MACROD2: variants seen among roughly 807,000 people sequenced by gnomAD.
The protein encoded by MACROD2 is mono-ADP ribosylhydrolase 2.
MACROD2 carries 36 observed loss-of-function variants against 70.4 expected under a neutral mutation model. That is an observed-to-expected ratio of 0.51 (90% CI 0.39 to 0.68). The LOEUF is 0.68. Ranked by LOEUF, MACROD2 falls within the 30% of genes least tolerant of loss-of-function variation. The probability of loss-of-function intolerance (pLI) is 0.00; values close to 1 mark genes in which losing one functional copy is unlikely to be tolerated. For missense variants in MACROD2, 496 were observed against 538.4 expected (o/e 0.92, Z 0.78); for synonymous variants, 172 against 178.8 (o/e 0.96, Z 0.30).
intron 7 of MACROD2, among the ~76,000 whole-genome samples, chr20:15,436,084 A>G (rs1207972173): frequency 4.6e-5 from 7 of 151,982 alleles, no homozygotes; most frequent in African/African-American, 1.4e-4. Context: ...TTTTAGCTTC[A>G]TAACCTTCTG....
intron 5 of MACROD2, among the ~76,000 whole-genome samples, chr20:14,827,603 T>C (rs1203590095): frequency 2.0e-5 from 3 of 152,098 alleles, no homozygotes; most frequent in Non-Finnish European, 1.5e-5. Flanking sequence ...TTTCTTTTGA[T>C]CTAGGTTTTG....
At chr20:14,248,350 G>A (rs1316849973) in intron 3 of MACROD2, among the ~76,000 whole-genome samples, 1 of 152,140 alleles carries the variant, frequency 6.6e-6, no homozygotes, top group Non-Finnish European at 1.5e-5. Context: ...TTTGGGAGCC[G>A]AGGCAGGTGG....
intron 4 of MACROD2, among the ~76,000 whole-genome samples, chr20:14,609,153 G>T (rs976463085): frequency 2.7e-4 from 41 of 152,166 alleles, no homozygotes; most frequent in African/African-American, 9.6e-4. Context: ...GAAAAACAGT[G>T]AAAGAAGGAA....
At position 15,683,598 on chromosome 20, in the gene MACROD2, A is replaced by C. The variant is rs1219485905; in HGVS notation, c.646-179147A>C. 8.5e-5 allele frequency among the ~76,000 whole-genome samples: 13 copies of C among 152,214 alleles called. No homozygotes were observed. In the South Asian group the frequency reaches 2.1e-3, roughly 24 times the overall value. On this transcript the variant is annotated intron_variant, in intron 8 of 17. Transcript: ENST00000684519. ...TGTTTTTTTGTTTGTTTGTTTTTTG[A>C]GACAAAGTCTCACTCTGTCGCTGAG... is the stretch of plus-strand genomic sequence containing the variant.
chr20:15,253,514 A>G (rs974534651), intron 6 of MACROD2, among the ~76,000 whole-genome samples: 3 of 152,208 alleles, frequency 2.0e-5, no homozygotes, highest in African/African-American at 7.2e-5. Flanking sequence ...TGGTAAGCTT[A>G]ACTGTAATAC....
In MACROD2 at chr20:14,638,369, T is replaced by C. The variant is rs565314711; in HGVS notation, c.302-46474T>C. On this transcript the variant is annotated intron_variant, in intron 4 of 17. Transcript: ENST00000684519. ...CTTTTAAACAGTCCTGGGATTTTTT[T>C]TTTCTGCTGCTATCTAGTCTACTTC... Among the ~76,000 whole-genome samples the C allele has an allele frequency of 2.0e-5, 3 of 152,276 alleles. No individual in the cohort carries two copies. The East Asian group carries it at 5.8e-4, about 29-fold the overall frequency.
At chr20:15,786,436 T>A (rs8122767) in intron 8 of MACROD2, among the ~76,000 whole-genome samples, 1,897 of 152,206 alleles carry the variant, frequency 0.012, 46 homozygotes, top group African/African-American at 0.044. Context: ...AAGAAAAAAA[T>A]ATCACATTTC....
chr20:15,623,209 T>G (rs1400328699), intron 8 of MACROD2, among the ~76,000 whole-genome samples: 1 of 152,186 alleles, frequency 6.6e-6, no homozygotes, highest in Non-Finnish European at 1.5e-5. Context: ...CTAATTATTT[T>G]TAAATAACTA....
intron 5 of MACROD2, among the ~76,000 whole-genome samples, chr20:14,698,879 T>C (rs980321537): frequency 6.6e-6 from 1 of 151,814 alleles, no homozygotes; most frequent in Non-Finnish European, 1.5e-5. Flanking sequence ...GTACTTTCAG[T>C]TTCATGCTCT....
intron 6 of MACROD2, among the ~76,000 whole-genome samples, chr20:15,302,897 T>TG (rs1419424032): frequency 6.6e-6 from 1 of 152,220 alleles, no homozygotes; most frequent in Non-Finnish European, 1.5e-5. Context: ...TTGGATGTTG[T>TG]GTTCTGTGAA....
At chr20:14,351,676 C>G (rs1196214086) in intron 3 of MACROD2, among the ~76,000 whole-genome samples, 3 of 152,154 alleles carry the variant, frequency 2.0e-5, no homozygotes, top group Non-Finnish European at 2.9e-5. Flanking sequence ...ATCATATCAT[C>G]TGCAAATAAG....
At chr20:16,044,384 G>A (rs1403102736) in intron 16 of MACROD2, among the ~76,000 whole-genome samples, 187 bp from the exon 17 acceptor site, 2 of 151,942 alleles carry the variant, frequency 1.3e-5, no homozygotes, top group East Asian at 3.9e-4. Flanking sequence ...GGGCGTCTGA[G>A]GTATATCCTC....
intron 7 of MACROD2, among the ~76,000 whole-genome samples, chr20:15,467,007 G>A (rs1453307250): frequency 6.6e-6 from 1 of 152,210 alleles, no homozygotes; most frequent in East Asian, 1.9e-4. Flanking sequence ...AGATACTGTT[G>A]CTGTCCTGCC....
At chr20:15,682,285 G>T (rs2050170580) in intron 8 of MACROD2, among the ~76,000 whole-genome samples, 1 of 152,160 alleles carries the variant, frequency 6.6e-6, no homozygotes, top group Admixed American at 6.6e-5. Flanking sequence ...TAATAGGAAA[G>T]ATTTTTAGAC....
chr20:15,000,967 T>C (rs1015675902), intron 5 of MACROD2, among the ~76,000 whole-genome samples: 7 of 152,178 alleles, frequency 4.6e-5, no homozygotes, highest in African/African-American at 1.7e-4. Context: ...TTACTTGCTT[T>C]TTCTGTACCA....
intron 7 of MACROD2, among the ~76,000 whole-genome samples, chr20:15,464,202 A>G (rs752933783): frequency 6.6e-6 from 1 of 152,018 alleles, no homozygotes; most frequent in African/African-American, 2.4e-5. Flanking sequence ...TTTGGTAGAG[A>G]TGGGGTTCTC....
chr20:14,525,955 G>T (rs1210868378), intron 4 of MACROD2, among the ~76,000 whole-genome samples: 1 of 152,130 alleles, frequency 6.6e-6, no homozygotes, highest in Non-Finnish European at 1.5e-5. Flanking sequence ...CTTCCTGAAG[G>T]TTGGAGGGGG....
chr20:14,211,340 GT>G lies in MACROD2; in HGVS notation c.271+125622del, dbSNP rs545283016. ...TATTCAAAGCCTCTGAAAATCAAAA[GT>G]TTTTTTTTTAACTCATTTGGCAGCA... On this transcript the variant is annotated intron_variant, in intron 3 of 17. Transcript: ENST00000684519. 9.4e-4 allele frequency among the ~76,000 whole-genome samples: 140 copies of G among 149,090 alleles called. 1 individual carries two copies. Among genetic ancestry groups the G allele is most frequent in the African/African-American group, 3.1e-3 (126 of 40,684 alleles).
intron 8 of MACROD2, among the ~76,000 whole-genome samples, chr20:15,782,199 A>G (rs564896895): frequency 6.6e-6 from 1 of 152,264 alleles, no homozygotes; most frequent in African/African-American, 2.4e-5. Flanking sequence ...ATGAGACAGG[A>G]CATAGAAAGC....
Sources: gnomAD v4.1 joint callset for allele counts (sites outside exome capture counted in the v4.1 genomes callset) on GRCh38, gnomAD v4.1.1 for gene constraint, MANE v1.5 for transcripts, NCBI Gene and HGNC (gene_info 2026-07-23, HGNC 2026-07-21) for gene names.